EDA: variants seen among roughly 807,000 people sequenced by gnomAD.
EDA encodes the protein ectodysplasin A.
EDA carries 2 observed loss-of-function variants against 23.6 expected under a neutral mutation model. The observed-to-expected ratio is 0.08, with a 90% confidence interval of 0.03 to 0.27. The LOEUF is 0.27. EDA is among the 10% of genes least tolerant of loss of function. EDA has a pLI of 1.00. For synonymous variants in EDA, 131 were observed against 132.0 expected (o/e 0.99, Z 0.05); for missense variants, 229 against 324.2 (o/e 0.71, Z 2.26).
intron 2 of EDA, among the ~76,000 whole-genome samples, chrX:70,012,071 T>G (rs1469596156): frequency 3.6e-5 from 4 of 111,427 alleles, no homozygotes; most frequent in Non-Finnish European, 7.5e-5. Flanking sequence ...TGATCAAAAT[T>G]TGTCCAATCC....
At chrX:69,919,558 C>T (rs1027759392) in intron 1 of EDA, among the ~76,000 whole-genome samples, 12 of 111,507 alleles carry the variant, frequency 1.1e-4, no homozygotes, top group African/African-American at 3.9e-4. Flanking sequence ...CCTAGTGCAC[C>T]GGTCTATATA....
At chrX:69,718,500 T>G (rs1301926875) in intron 1 of EDA, among the ~76,000 whole-genome samples, 1 of 111,102 alleles carries the variant, frequency 9.0e-6, no homozygotes, top group African/African-American at 3.3e-5. Context: ...TTTTTTTTCA[T>G]GATTGAGTGT....
intron 1 of EDA, among the ~76,000 whole-genome samples, chrX:69,737,024 G>A (rs979697415): frequency 4.5e-5 from 5 of 110,466 alleles, no homozygotes; most frequent in Middle Eastern, 4.7e-3. Flanking sequence ...CACCCATCTC[G>A]GCCTCCCAAA....
At chrX:69,716,751 C>T (rs1215657999) in intron 1 of EDA, among the ~76,000 whole-genome samples, 1 of 111,244 alleles carries the variant, frequency 9.0e-6, no homozygotes, top group African/African-American at 3.3e-5. Flanking sequence ...TGTCTTTGAG[C>T]AGTGTTTTGT....
intron 1 of EDA, among the ~76,000 whole-genome samples, chrX:69,850,359 G>T (rs1405511599): frequency 8.9e-6 from 1 of 112,114 alleles, no homozygotes; most frequent in African/African-American, 3.2e-5. Flanking sequence ...AAGTAGGAAT[G>T]GTTTGAGCCT....
At chrX:69,860,292 A>G (rs764068751) in intron 1 of EDA, among the ~76,000 whole-genome samples, 2 of 111,059 alleles carry the variant, frequency 1.8e-5, no homozygotes, top group African/African-American at 3.3e-5. Flanking sequence ...GTTATTTTTC[A>G]GACTTGATTA....
chrX:69,801,454 C>T (rs1227471720), intron 1 of EDA, among the ~76,000 whole-genome samples: 1 of 111,012 alleles, frequency 9.0e-6, no homozygotes, highest in East Asian at 2.8e-4. Context: ...AGGCATGAAC[C>T]ACTCACTGTA....
chrX:70,022,306 A>C (rs1374720151), intron 2 of EDA, among the ~76,000 whole-genome samples: 1 of 109,680 alleles, frequency 9.1e-6, no homozygotes, highest in African/African-American at 3.4e-5. Context: ...AATGGTTGAC[A>C]TGTCTTATTT....
intron 1 of EDA, among the ~76,000 whole-genome samples, chrX:69,772,570 T>A (rs2014669360): frequency 1.8e-5 from 2 of 111,380 alleles, no homozygotes; most frequent in African/African-American, 6.5e-5. Flanking sequence ...AGGACTGGGG[T>A]ATGATTGATC....
intron 1 of EDA, among the ~76,000 whole-genome samples, chrX:69,722,967 T>G (rs770591760): frequency 8.9e-6 from 1 of 112,403 alleles, no homozygotes; most frequent in African/African-American, 3.2e-5. Flanking sequence ...TTATATATTT[T>G]TAAAATCTGA....
chrX:69,930,748 G>C (rs751306054), intron 1 of EDA, among the ~76,000 whole-genome samples: 1 of 111,248 alleles, frequency 9.0e-6, no homozygotes, highest in South Asian at 3.8e-4. Flanking sequence ...ATACACAGAC[G>C]ACATGATTAT....
chrX:69,660,812 G>T (rs867375852), intron 1 of EDA, among the ~76,000 whole-genome samples: 1 of 111,645 alleles, frequency 9.0e-6, no homozygotes, highest in Non-Finnish European at 1.9e-5. Flanking sequence ...ACGTGTGCAT[G>T]TGTCTTTATA....
chrX:69,911,060 A>G (rs1200845165), intron 1 of EDA, among the ~76,000 whole-genome samples: 1 of 112,296 alleles, frequency 8.9e-6, no homozygotes, highest in Non-Finnish European at 1.9e-5. Context: ...AGATTGTGTT[A>G]TAGACCCTCT....
At chrX:70,014,998 G>T (rs2019926940) in intron 2 of EDA, among the ~76,000 whole-genome samples, 1 of 111,953 alleles carries the variant, frequency 8.9e-6, no homozygotes, top group Non-Finnish European at 1.9e-5. Flanking sequence ...ACCTACTTGA[G>T]GATATTATCC....
chrX:69,906,485 A>G (rs764084827), intron 1 of EDA, among the ~76,000 whole-genome samples: 1 of 112,485 alleles, frequency 8.9e-6, no homozygotes, highest in South Asian at 3.7e-4. Flanking sequence ...ACTTTCCTGA[A>G]GTTAAATTTG....
intron 1 of EDA, among the ~76,000 whole-genome samples, chrX:69,718,256 TTTTC>T (rs756159452): frequency 1.6e-4 from 18 of 110,973 alleles, no homozygotes; most frequent in Non-Finnish European, 2.3e-4. Flanking sequence ...ACAAAGATAG[TTTTC>T]TTTCTTTCTT....
chrX:69,619,934 A>G (rs1437593432), intron 1 of EDA, among the ~76,000 whole-genome samples: 1 of 111,887 alleles, frequency 8.9e-6, no homozygotes, highest in African/African-American at 3.3e-5. Context: ...GGCTTCTACA[A>G]TCAGACAGGA....
chrX:69,872,944 TA>T (rs950308562), intron 1 of EDA, among the ~76,000 whole-genome samples: 6 of 111,488 alleles, frequency 5.4e-5, no homozygotes, highest in African/African-American at 2.0e-4. Flanking sequence ...CTGCAAAATA[TA>T]TATTCTATTC....
At chrX:69,827,962 T>G (rs1407098466) in intron 1 of EDA, among the ~76,000 whole-genome samples, 1 of 110,916 alleles carries the variant, frequency 9.0e-6, no homozygotes, top group African/African-American at 3.3e-5. Flanking sequence ...CCTGGCCGTG[T>G]GAGGTGTCAG....
Sources: allele counts gnomAD v4.1 joint callset (sites outside exome capture counted in the v4.1 genomes callset), GRCh38; gene constraint gnomAD v4.1.1; transcripts MANE v1.5; gene names NCBI Gene and HGNC (gene_info 2026-07-23, HGNC 2026-07-21).